Variants in TMEFF2 observed in about 807,000 individuals in gnomAD.
The protein encoded by TMEFF2 is transmembrane protein with EGF like and two follistatin like domains 2, also known as tomoregulin-2.
TMEFF2 carries 28 observed loss-of-function variants against 53.8 expected under a neutral mutation model. The ratio of observed to expected loss-of-function variants is 0.52; its 90% confidence interval spans 0.39 to 0.71. The LOEUF (loss-of-function observed/expected upper bound fraction) is 0.71, where lower values mean the gene tolerates loss of function less well. TMEFF2 is among the 30% of genes least tolerant of loss of function. The pLI, the probability that TMEFF2 is intolerant of heterozygous loss-of-function variation, is 0.00. For synonymous variants in TMEFF2, 162 were observed against 166.3 expected, an observed-to-expected ratio of 0.97 and a Z score of 0.20; for missense variants, 353 against 455.2, an observed-to-expected ratio of 0.78 and a Z score of 2.04.
intron 5 of TMEFF2, among the ~76,000 whole-genome samples, chr2:192,056,423 G>A (rs1687911697): frequency 1.3e-5 from 2 of 151,800 alleles, no homozygotes; most frequent in East Asian, 1.9e-4. Context: ...GAGGAGGGGA[G>A]GAGCAGAAGA....
intron 4 of TMEFF2, among the ~76,000 whole-genome samples, chr2:192,071,135 A>G (rs1176796871): frequency 6.6e-6 from 1 of 151,872 alleles, no homozygotes; most frequent in Non-Finnish European, 1.5e-5. Flanking sequence ...TGTAATTTGA[A>G]AAGAGAACTG....
chr2:192,107,405 T>C (rs4853490), intron 4 of TMEFF2, among the ~76,000 whole-genome samples: 129,566 of 151,574 alleles, frequency 0.85, 56,298 homozygotes, highest in Middle Eastern at 0.94. Context: ...AAACTTTATG[T>C]TCTCTTCTAC....
At chr2:192,075,311 A>G (rs1285227193) in intron 4 of TMEFF2, among the ~76,000 whole-genome samples, 6 of 116,860 alleles carry the variant, frequency 5.1e-5, no homozygotes, top group African/African-American at 2.0e-4. Flanking sequence ...ATATATATAT[A>G]TATATATATA....
chr2:191,982,766 A>G (rs1685884794), intron 7 of TMEFF2, among the ~76,000 whole-genome samples: 1 of 152,176 alleles, frequency 6.6e-6, no homozygotes, highest in African/African-American at 2.4e-5. Context: ...TAATATTACT[A>G]GGCATTTGAG....
At chr2:191,982,163 A>T (rs1049771341) in intron 7 of TMEFF2, among the ~76,000 whole-genome samples, 1 of 152,066 alleles carries the variant, frequency 6.6e-6, no homozygotes, top group African/African-American at 2.4e-5. Flanking sequence ...AAATTCTGGG[A>T]AAAGTCATTA....
At chr2:192,110,974 T>G (rs913428996) in intron 4 of TMEFF2, among the ~76,000 whole-genome samples, 5 of 152,194 alleles carry the variant, frequency 3.3e-5, no homozygotes, top group Admixed American at 6.6e-5. Flanking sequence ...CCTGCTGCGA[T>G]GTAAGACATG....
At chr2:192,128,328 T>C (rs1489820842) in intron 4 of TMEFF2, among the ~76,000 whole-genome samples, 1 of 152,218 alleles carries the variant, frequency 6.6e-6, no homozygotes, top group Non-Finnish European at 1.5e-5. Flanking sequence ...ATAAGAATAT[T>C]CTTAGTTTCT....
chr2:192,086,910 T>A (rs1478441724), intron 4 of TMEFF2, among the ~76,000 whole-genome samples: 2 of 152,062 alleles, frequency 1.3e-5, no homozygotes, highest in Non-Finnish European at 2.9e-5. Context: ...AGGCATCATT[T>A]GCTAGATTGG....
At chr2:192,174,715 GA>G (rs957677414) in intron 4 of TMEFF2, among the ~76,000 whole-genome samples, 1 of 151,682 alleles carries the variant, frequency 6.6e-6, no homozygotes, top group African/African-American at 2.4e-5. Flanking sequence ...ATGCTTGGTA[GA>G]ATTTCTTTAT....
intron 4 of TMEFF2, among the ~76,000 whole-genome samples, chr2:192,134,760 G>A (rs565199811): frequency 1.1e-4 from 17 of 152,120 alleles, no homozygotes; most frequent in Middle Eastern, 3.4e-3. Flanking sequence ...GAAGGCCACC[G>A]CAGCCATTTC....
chr2:192,153,172 C>A (rs7570715), intron 4 of TMEFF2, among the ~76,000 whole-genome samples: 3,432 of 151,310 alleles, frequency 0.023, 106 homozygotes, highest in African/African-American at 0.078. Flanking sequence ...ATATACTAGA[C>A]CTTTTAAAAG....
chr2:191,983,527 A>G (rs1685905016), intron 7 of TMEFF2, among the ~76,000 whole-genome samples: 3 of 152,194 alleles, frequency 2.0e-5, no homozygotes, highest in Non-Finnish European at 4.4e-5. Context: ...CAGGTGAAGA[A>G]ATAGTGGTAA....
intron 9 of TMEFF2, 79 bp from the exon 10 acceptor site, chr2:191,950,486 G>A (rs780855817): frequency 2.3e-5 from 35 of 1,547,550 alleles, no homozygotes; most frequent in Non-Finnish European, 3.0e-5. Flanking sequence ...GAATAAAGAT[G>A]TGGATTAAGC....
intron 4 of TMEFF2, among the ~76,000 whole-genome samples, chr2:192,121,779 A>AGATAAACTCATAGCTCAATGGAG (rs1689559743): frequency 6.6e-6 from 1 of 152,218 alleles, no homozygotes; most frequent in Non-Finnish European, 1.5e-5. Flanking sequence ...GGAATTACAA[A>AGATAAACTCATAGCTCAATGGAG]GATAAACTCA....
At chr2:192,096,835 C>T (rs1433423024) in intron 4 of TMEFF2, among the ~76,000 whole-genome samples, 1 of 151,782 alleles carries the variant, frequency 6.6e-6, no homozygotes, top group East Asian at 1.9e-4. Flanking sequence ...CACCACCAGG[C>T]CCAGCAATTT....
Position 192,013,308 on chromosome 2 carries a change from G to C in TMEFF2, c.537-14100C>G, listed in dbSNP as rs537593732. ...AACATGCCACATGCTTCTGCCACCA[G>C]CACTTTTCACTTGCTGTTCCCTCTG... On this transcript the variant is annotated intron_variant, in intron 5 of 9. Transcript: ENST00000272771. Among the ~76,000 whole-genome samples, 5 of 152,202 alleles carry C rather than the reference G, an allele frequency of 3.3e-5. No individual in the cohort carries two copies. In the South Asian group the frequency reaches 8.3e-4, roughly 25 times the overall value.
intron 5 of TMEFF2, among the ~76,000 whole-genome samples, chr2:192,017,185 A>G (rs937740591): frequency 2.0e-5 from 3 of 152,180 alleles, no homozygotes; most frequent in Admixed American, 1.3e-4. Flanking sequence ...GTTCCCATGC[A>G]CTGGGGAGAG....
intron 4 of TMEFF2, among the ~76,000 whole-genome samples, chr2:192,147,278 T>TAGCAGA (rs1690275069): frequency 6.6e-6 from 1 of 151,982 alleles, no homozygotes; most frequent in African/African-American, 2.4e-5. Flanking sequence ...CAGACAGTAG[T>TAGCAGA]CCACTTATAA....
chr2:192,068,059 C>T (rs141683213), intron 4 of TMEFF2, among the ~76,000 whole-genome samples: 23 of 151,920 alleles, frequency 1.5e-4, no homozygotes, highest in Non-Finnish European at 2.5e-4. Context: ...TCTCCTAATG[C>T]GAAAAAAAGT....
Sources: allele counts gnomAD v4.1 joint callset (sites outside exome capture counted in the v4.1 genomes callset), GRCh38; gene constraint gnomAD v4.1.1; transcripts MANE v1.5; gene names NCBI Gene and HGNC (gene_info 2026-07-23, HGNC 2026-07-21).